Variants in PPHLN1 observed in about 807,000 individuals in gnomAD.
The protein encoded by PPHLN1 is periphilin-1.
PPHLN1 carries 29 observed loss-of-function variants against 51.3 expected under a neutral mutation model. That is an observed-to-expected ratio of 0.57 (90% CI 0.42 to 0.77). The LOEUF is 0.77. PPHLN1 is among the 30% of genes least tolerant of loss of function. The probability of loss-of-function intolerance (pLI) is 0.00; values close to 1 mark genes in which losing one functional copy is unlikely to be tolerated. For synonymous variants in PPHLN1, 147 were observed against 147.8 expected (o/e 0.99, Z 0.04); for missense variants, 436 against 438.4 (o/e 0.99, Z 0.05).
At chr12:42,402,854 G>A (rs1016377156) in intron 9 of PPHLN1, among the ~76,000 whole-genome samples, 2 of 152,102 alleles carry the variant, frequency 1.3e-5, no homozygotes, top group Admixed American at 6.5e-5. Flanking sequence ...TGTAGCTGTG[G>A]CCATTTTCTC....
chr12:42,380,872 A>G (rs1382807372), intron 5 of PPHLN1, among the ~76,000 whole-genome samples: 1 of 152,196 alleles, frequency 6.6e-6, no homozygotes, highest in Non-Finnish European at 1.5e-5. Context: ...GCTGTGTTCA[A>G]TACTTACATC....
At chr12:42,413,809 C>T (rs1208248715) in intron 9 of PPHLN1, among the ~76,000 whole-genome samples, 1 of 151,952 alleles carries the variant, frequency 6.6e-6, no homozygotes, top group Non-Finnish European at 1.5e-5. Context: ...GTGATCCGCC[C>T]ACCTCAGCCT....
At chr12:42,342,591 A>T (rs1051178822) in intron 2 of PPHLN1, among the ~76,000 whole-genome samples, 2 of 152,230 alleles carry the variant, frequency 1.3e-5, no homozygotes, top group Admixed American at 6.5e-5. Context: ...CAGAATTTTT[A>T]AAAGTTGTAA....
intron 6 of PPHLN1, among the ~76,000 whole-genome samples, chr12:42,385,417 C>G (rs1292658864): frequency 1.3e-5 from 2 of 152,228 alleles, no homozygotes; most frequent in Non-Finnish European, 2.9e-5. Flanking sequence ...CTGCACCACC[C>G]TTCAGTGTTC....
At chr12:42,387,321 T>C in intron 6 of PPHLN1, 135 bp from the exon 7 acceptor site, 1 of 900,946 alleles carries the variant, frequency 1.1e-6, no homozygotes, top group Non-Finnish European at 1.6e-6. Flanking sequence ...TATTAACCTA[T>C]TTAATGTAAT....
intron 1 of PPHLN1, among the ~76,000 whole-genome samples, chr12:42,326,432 C>A (rs3810786): frequency 0.18 from 27,989 of 151,856 alleles, 2,812 homozygotes; most frequent in African/African-American, 0.25. Context: ...GATAGGGGTT[C>A]GCCTCTCTGT....
rs557429161 is a variant in PPHLN1, at chr12:42,433,544, C to T, written c.910-7771C>T. Among the ~76,000 whole-genome samples, 14 of 152,246 alleles carry T rather than the reference C, an allele frequency of 9.2e-5. No individual in the cohort carries two copies. In the South Asian group the frequency reaches 1.7e-3, roughly 18 times the overall value. ...TTCACTGTGTTAGCCAGGATGGTCT[C>T]GATCTCCTGACCTCGTGATCCACCT... On this transcript the variant is annotated intron_variant, in intron 9 of 9. Coordinates refer to ENST00000358314, the MANE Select transcript of PPHLN1 (RefSeq NM_201439.2).
chr12:42,418,967 G>A (rs964812086), intron 9 of PPHLN1, among the ~76,000 whole-genome samples: 1 of 151,790 alleles, frequency 6.6e-6, no homozygotes, highest in Non-Finnish European at 1.5e-5. Context: ...CTCACAAAAG[G>A]TAAGATATTA....
Position 42,441,881 on chromosome 12 carries a change from T to G in PPHLN1, c.*372T>G. The G allele has an allele frequency of 3.0e-6, 3 of 999,850 alleles. No homozygotes were observed. The highest frequency in any genetic ancestry group is 3.6e-6 in the Non-Finnish European group (3 of 839,538). 61.9% of individuals were successfully genotyped at this position (999,850 alleles called of 1,614,324 possible). On this transcript the variant is annotated 3_prime_UTR_variant, in exon 10 of 10. Coordinates refer to ENST00000358314, the MANE Select transcript of PPHLN1 (RefSeq NM_201439.2). ...GTTGTGATTTTATTGACTTGTTGCT[T>G]GCTTTTTCTTAGGCTTTGTAACTTG...
intron 9 of PPHLN1, among the ~76,000 whole-genome samples, chr12:42,441,027 T>G (rs182260047): frequency 1.3e-5 from 2 of 152,356 alleles, no homozygotes; most frequent in East Asian, 3.9e-4. Context: ...TAGTCTGATG[T>G]CCTTTGAGTA....
intron 2 of PPHLN1, among the ~76,000 whole-genome samples, chr12:42,350,714 G>A (rs778535363): frequency 6.6e-6 from 1 of 152,194 alleles, no homozygotes; most frequent in Non-Finnish European, 1.5e-5. Context: ...TGCGATCCCG[G>A]CACCTCGGGA....
At chr12:42,397,409 T>G (rs978094267) in intron 8 of PPHLN1, among the ~76,000 whole-genome samples, 6 of 152,246 alleles carry the variant, frequency 3.9e-5, no homozygotes, top group African/African-American at 1.4e-4. Flanking sequence ...ATATATCTAA[T>G]TGAAATACAT....
At chr12:42,412,687 C>T (rs987582534) in intron 9 of PPHLN1, among the ~76,000 whole-genome samples, 3 of 152,044 alleles carry the variant, frequency 2.0e-5, no homozygotes. Context: ...ACTTTTAATT[C>T]TTTAAATCTC....
Position 42,384,980 on chromosome 12 carries a change from A to G in PPHLN1, c.552A>G (p.Glu184=). The part of the protein sequence containing the change: ...RPGASYKRQN[E]GNPERDKERP... ...GTGCCTCCTACAAACGGCAGAATGA[A>G]GGAAATCCTGAAAGAGGTGAGTTTT... is the stretch of plus-strand genomic sequence containing the variant. Residue 184 remains glutamate, a synonymous_variant, in exon 6 of 10, where the codon GAA becomes GAG. Coordinates refer to ENST00000358314, the MANE Select transcript of PPHLN1 (RefSeq NM_201439.2). 1 of 1,611,396 alleles carries G rather than the reference A, an allele frequency of 6.2e-7. No individual in the cohort carries two copies. Among genetic ancestry groups the G allele is most frequent in the African/African-American group, 1.3e-5 (1 of 74,980 alleles).
At chr12:42,398,221 T>C (rs1006181285) in intron 8 of PPHLN1, among the ~76,000 whole-genome samples, 9 of 152,224 alleles carry the variant, frequency 5.9e-5, no homozygotes, top group African/African-American at 2.2e-4. Context: ...TAATTATTGG[T>C]CTAAAACTGA....
At chr12:42,355,326 G>A (rs748624565) in intron 4 of PPHLN1, 104 bp downstream of exon 4, 20 of 1,024,232 alleles carry the variant, frequency 2.0e-5, no homozygotes, top group Non-Finnish European at 2.5e-5. Flanking sequence ...TATTTTACTG[G>A]GATTTTAAAT....
At chr12:42,375,172 A>T (rs2076148548) in intron 5 of PPHLN1, 98 bp downstream of exon 5, 1 of 1,019,694 alleles carries the variant, frequency 9.8e-7, no homozygotes, top group East Asian at 2.7e-5. Context: ...TTTATTTTTT[A>T]AACTTTTTAT....
In PPHLN1 at chr12:42,328,989, C is replaced by T. The variant is rs186630708; in HGVS notation, c.-21+2760C>T. Among the ~76,000 whole-genome samples, 10 of 152,206 alleles carry T rather than the reference C, an allele frequency of 6.6e-5. No homozygotes were observed. The South Asian group carries it at 1.4e-3, about 22-fold the overall frequency. ...TCAGCCTCCCAAAATGGTGGGATTA[C>T]GGGCATGAGCCACCGCACCCAGCCC... On this transcript the variant is annotated intron_variant, in intron 1 of 9. Transcript: ENST00000358314.
At chr12:42,408,374 G>C (rs1264151849) in intron 9 of PPHLN1, among the ~76,000 whole-genome samples, 1 of 137,082 alleles carries the variant, frequency 7.3e-6, no homozygotes. Context: ...AGCCAAGTGT[G>C]GTGGCTTTTT....
Sources: allele counts gnomAD v4.1 joint callset (sites outside exome capture counted in the v4.1 genomes callset), GRCh38; gene constraint gnomAD v4.1.1; transcripts MANE v1.5; gene names NCBI Gene and HGNC (gene_info 2026-07-23, HGNC 2026-07-21).